Variants in THSD7A observed in about 807,000 individuals in gnomAD.
The protein encoded by THSD7A is thrombospondin type-1 domain-containing protein 7A.
Under a neutral mutation model 231.3 loss-of-function variants are expected in THSD7A, and 96 were observed. That is an observed-to-expected ratio of 0.41 (90% CI 0.35 to 0.49). The LOEUF (loss-of-function observed/expected upper bound fraction) is 0.49. Ranked by LOEUF, THSD7A falls within the 20% of genes least tolerant of loss-of-function variation. The pLI, the probability that THSD7A is intolerant of heterozygous loss-of-function variation, is 0.05. For synonymous variants in THSD7A, 940 were observed against 743.3 expected, an observed-to-expected ratio of 1.26 and a Z score of -4.30; for missense variants, 2,290 against 2,070.2, an observed-to-expected ratio of 1.11 and a Z score of -2.06.
At chr7:11,455,321 G>C (rs1217887802) in intron 11 of THSD7A, among the ~76,000 whole-genome samples, 3 of 152,010 alleles carry the variant, frequency 2.0e-5, no homozygotes, top group African/African-American at 7.2e-5. Flanking sequence ...CAAGAATCCT[G>C]ATAAAACTAT....
chr7:11,421,110 A>G (rs1243673134), intron 16 of THSD7A, among the ~76,000 whole-genome samples: 1 of 152,038 alleles, frequency 6.6e-6, no homozygotes, highest in Admixed American at 6.5e-5. Context: ...GCTTTGGGAG[A>G]CTGTTGGGAA....
chr7:11,639,722 C>T (rs2681045), intron 1 of THSD7A, among the ~76,000 whole-genome samples: 121,123 of 152,030 alleles, frequency 0.8, 48,666 homozygotes, highest in African/African-American at 0.9. Context: ...CTAATTAACA[C>T]AAATTAATGT....
At chr7:11,739,432 G>A (rs373256187) in intron 1 of THSD7A, among the ~76,000 whole-genome samples, 2 of 151,854 alleles carry the variant, frequency 1.3e-5, no homozygotes, top group African/African-American at 4.8e-5. Flanking sequence ...CTGTCTTACA[G>A]GCTAAAATAT....
chr7:11,577,859 T>C lies in THSD7A; in HGVS notation c.1453+12601A>G, dbSNP rs559015109. ...CATCTTTGTCAGAATTCTTCAGCAA[T>C]GGACTACTACTTAAAATTCGCAAGG... On this transcript the variant is annotated intron_variant, in intron 4 of 27. Transcript: ENST00000423059. Among the ~76,000 whole-genome samples, 22 of 152,064 alleles carry C rather than the reference T, an allele frequency of 1.4e-4. 1 individual carries two copies. Among genetic ancestry groups the C allele is most frequent in the Non-Finnish European group, 2.2e-4 (15 of 68,016 alleles).
intron 1 of THSD7A, among the ~76,000 whole-genome samples, chr7:11,683,860 G>A (rs1369142294): frequency 6.6e-6 from 1 of 151,878 alleles, no homozygotes; most frequent in Non-Finnish European, 1.5e-5. Flanking sequence ...GAATTCCTCT[G>A]TAACTCATTG....
chr7:11,413,123 T>C (rs1412940408), intron 17 of THSD7A, among the ~76,000 whole-genome samples: 2 of 151,444 alleles, frequency 1.3e-5, no homozygotes, highest in Non-Finnish European at 2.9e-5. Context: ...TTATTATATA[T>C]ATAATTATAT....
chr7:11,379,643 G>T lies in THSD7A; in HGVS notation c.4577C>A (p.Ser1526Ter). The T allele has an allele frequency of 6.3e-7, 1 of 1,584,882 alleles. No individual in the cohort carries two copies. The highest frequency in any genetic ancestry group is 2.3e-5 in the East Asian group (1 of 43,502). ...SCNPPCSQPHSYCSETKTCHC... is the reference protein window; with the variant it reads ...SCNPPCSQPH ...ATTTTCACATACCTCGCTACAGTAC[G>T]AGTGGGGTTGACTACACGGTGGGTT... is the stretch of plus-strand genomic sequence containing the variant. Residue 1526 changes from serine (S) to a stop codon, truncating the protein, a stop_gained, in exon 25 of 28, where the codon TCG becomes TAG. Coordinates refer to ENST00000423059, the MANE Select transcript of THSD7A (RefSeq NM_015204.3). LOFTEE classifies it high-confidence loss of function.
intron 1 of THSD7A, among the ~76,000 whole-genome samples, chr7:11,657,877 C>T (rs753390109): frequency 5.9e-5 from 9 of 151,634 alleles, no homozygotes; most frequent in Non-Finnish European, 1.0e-4. Context: ...TCTAGAAGTA[C>T]TCAAAGGAAA....
At chr7:11,453,227 C>A (rs1032390536) in intron 11 of THSD7A, among the ~76,000 whole-genome samples, 4 of 151,616 alleles carry the variant, frequency 2.6e-5, no homozygotes, top group Admixed American at 6.6e-5. Context: ...CATATTTGTT[C>A]ACAAAAAATA....
At chr7:11,576,376 T>C (rs961669408) in intron 4 of THSD7A, among the ~76,000 whole-genome samples, 10 of 152,216 alleles carry the variant, frequency 6.6e-5, no homozygotes, top group African/African-American at 2.4e-4. Flanking sequence ...CAATTTGAGT[T>C]ATTTTCCCAT....
At chr7:11,692,765 A>C (rs1562481131) in intron 1 of THSD7A, among the ~76,000 whole-genome samples, 1 of 151,616 alleles carries the variant, frequency 6.6e-6, no homozygotes, top group South Asian at 2.1e-4. Context: ...AAAATTCTAC[A>C]TATAAACACT....
At chr7:11,418,608 G>A (rs950024363) in intron 16 of THSD7A, among the ~76,000 whole-genome samples, 1 of 152,180 alleles carries the variant, frequency 6.6e-6, no homozygotes, top group Non-Finnish European at 1.5e-5. Context: ...TATATTGCCA[G>A]TGATACCTGG....
rs1785523240 is a variant in THSD7A at position 11,462,024 on chromosome 7, A to G, written c.2488T>C (p.Cys830Arg). Residue 830 changes from cysteine to arginine, a missense_variant, in exon 10 of 28, where the codon TGC becomes CGC. Cys to Arg is a radical substitution (Grantham distance 180, BLOSUM62 -3). Coordinates refer to ENST00000423059, the MANE Select transcript of THSD7A (RefSeq NM_015204.3). ...CTCTAACCCTACCTGTAGCTTTGGCACGCTTGAGGTGCCTCACAGGCCTTC... is the reference window on the plus strand; with the variant it reads ...CTCTAACCCTACCTGTAGCTTTGGCGCGCTTGAGGTGCCTCACAGGCCTTC... Reference protein sequence around the residue: ...EEKACEAPQACQSYRWKTHKW... With the variant: ...EEKACEAPQARQSYRWKTHKW... 1.2e-6 allele frequency: 2 copies of G among 1,613,362 alleles called. No homozygotes were observed. The highest frequency in any genetic ancestry group is 1.3e-5 in the African/African-American group (1 of 74,888).
Position 11,484,874 on chromosome 7 carries a change from A to ATTT in THSD7A, c.1823-2895_1823-2893dup, listed in dbSNP as rs56353626. On this transcript the variant is annotated intron_variant, in intron 6 of 27. Coordinates refer to ENST00000423059, the MANE Select transcript of THSD7A (RefSeq NM_015204.3). The stretch of plus-strand genomic sequence containing the variant: ...CTCAACCCACTGAATCACAACCTTA[A>ATTT]TTTTTTTTTTTTTTTTTTTTTTTTT... 3.2e-3 allele frequency among the ~76,000 whole-genome samples: 170 copies of ATTT among 53,810 alleles called. 21 individuals carry two copies. Among genetic ancestry groups the ATTT allele is most frequent in the African/African-American group, 6.7e-3 (90 of 13,378 alleles). The allele number at this position is 53,810 out of a possible 152,430, so 35.3% of individuals were successfully genotyped here.
rs182748902 is a variant in THSD7A, at chr7:11,521,471, T to A, written c.1822+19948A>T. On this transcript the variant is annotated intron_variant, in intron 6 of 27. Transcript: ENST00000423059. ...GACAGGGCCACATTCTTTTTTATTT[T>A]TTTATTTTATTTATTTATTTATTTA... Among the ~76,000 whole-genome samples the A allele has an allele frequency of 2.5e-3, 362 of 143,190 alleles. 64 individuals are homozygous for A. Among genetic ancestry groups the A allele is most frequent in the African/African-American group, 9.1e-3 (331 of 36,494 alleles). 93.9% of individuals were successfully genotyped at this position (143,190 alleles called of 152,430 possible).
chr7:11,392,836 C>A (rs1583659388), intron 23 of THSD7A, among the ~76,000 whole-genome samples: 1 of 152,356 alleles, frequency 6.6e-6, no homozygotes, highest in Non-Finnish European at 1.5e-5. Flanking sequence ...TCTCTAGATT[C>A]CTTCTCCCTG....
intron 4 of THSD7A, among the ~76,000 whole-genome samples, chr7:11,572,201 T>C (rs1790666565): frequency 6.6e-6 from 1 of 152,148 alleles, no homozygotes; most frequent in African/African-American, 2.4e-5. Context: ...ATTACAGGCA[T>C]GAGTCCCACC....
chr7:11,616,536 T>TA (rs200922128), intron 2 of THSD7A, among the ~76,000 whole-genome samples: 2,791 of 152,306 alleles, frequency 0.018, 91 homozygotes, highest in African/African-American at 0.064. Context: ...AATAATTTAA[T>TA]ATATAAAAGC....
chr7:11,614,269 A>G (rs1781031910), intron 2 of THSD7A, among the ~76,000 whole-genome samples: 2 of 152,202 alleles, frequency 1.3e-5, no homozygotes, highest in Non-Finnish European at 2.9e-5. Context: ...TAGTTCATAA[A>G]TGGTGAGCGC....
Sources: gnomAD v4.1 joint callset for allele counts (sites outside exome capture counted in the v4.1 genomes callset) on GRCh38, gnomAD v4.1.1 for gene constraint, MANE v1.5 for transcripts, NCBI Gene and HGNC (gene_info 2026-07-23, HGNC 2026-07-21) for gene names.